Variants in BORCS5 observed in about 807,000 individuals in gnomAD.
BORCS5 encodes the protein BLOC-1-related complex subunit 5.
In BORCS5, 17 loss-of-function variants were observed where a neutral mutation model predicts 22.1. That is an observed-to-expected ratio of 0.77 (90% CI 0.53 to 1.15). The LOEUF (loss-of-function observed/expected upper bound fraction) is 1.15, where lower values mean the gene tolerates loss of function less well. Ranked by LOEUF, BORCS5 falls within the 50% of genes most tolerant of loss-of-function variation. The probability of loss-of-function intolerance (pLI) is 0.00; values close to 1 mark genes in which losing one functional copy is unlikely to be tolerated. For missense variants in BORCS5, 247 were observed against 253.2 expected, an observed-to-expected ratio of 0.98 and a Z score of 0.17; for synonymous variants, 117 against 99.8, an observed-to-expected ratio of 1.17 and a Z score of -1.03.
rs192579898 is a variant in BORCS5, at chr12:12,470,413, C to T, written c.*4637C>T. Among the ~76,000 whole-genome samples the T allele has an allele frequency of 8.6e-3, 1,306 of 152,238 alleles. 22 individuals are homozygous for T. The highest frequency in any genetic ancestry group is 0.029 in the African/African-American group (1,223 of 41,528). On this transcript the variant is annotated 3_prime_UTR_variant, in exon 4 of 4. Transcript: ENST00000314565. ...CTGCTCCCCATCACTCACATCACTG[C>T]CTGAGCTCCACCTCCTGTCAGAACA...
In BORCS5 at chr12:12,386,541, A is replaced by C. The variant is rs140563704; in HGVS notation, c.202+25192A>C. Reference sequence around the variant, plus strand: ...TCCCAGGCTCTAGTGCAGTGTTATGATCTTGGCTCACTGCAACCTCTACCT... The same window carrying C: ...TCCCAGGCTCTAGTGCAGTGTTATGCTCTTGGCTCACTGCAACCTCTACCT... On this transcript the variant is annotated intron_variant, in intron 2 of 3. Coordinates refer to ENST00000314565, the MANE Select transcript of BORCS5 (RefSeq NM_058169.6). 1.3e-3 allele frequency among the ~76,000 whole-genome samples: 187 copies of C among 145,980 alleles called. 2 individuals are homozygous for C. The highest frequency in any genetic ancestry group is 4.5e-3 in the African/African-American group (176 of 38,972).
intron 3 of BORCS5, among the ~76,000 whole-genome samples, chr12:12,461,397 C>G (rs1943102190): frequency 1.3e-5 from 2 of 151,904 alleles, no homozygotes; most frequent in Admixed American, 1.3e-4. Context: ...CTCTTGAGTT[C>G]CTGGGCTCAA....
chr12:12,465,165 C>T (rs1358445773), intron 3 of BORCS5, among the ~76,000 whole-genome samples: 1 of 152,106 alleles, frequency 6.6e-6, no homozygotes, highest in Non-Finnish European at 1.5e-5. Flanking sequence ...GATAAGCAAC[C>T]TGAGACACAA....
rs1445573067 is a variant in BORCS5, at chr12:12,465,959, T to A, written c.*183T>A. The A allele has an allele frequency of 1.7e-6, 1 of 587,658 alleles. No individual in the cohort carries two copies. Among genetic ancestry groups the A allele is most frequent in the East Asian group, 2.8e-5 (1 of 35,642 alleles). The allele number at this position is 587,658 out of a possible 1,614,324, so 36.4% of individuals were successfully genotyped here. A position where few individuals can be genotyped will look rare whatever the true frequency, so the allele number is the denominator to read the frequency against. On this transcript the variant is annotated 3_prime_UTR_variant, in exon 4 of 4. Coordinates refer to ENST00000314565, the MANE Select transcript of BORCS5 (RefSeq NM_058169.6). ...CCCAGCTCTTTTCCTTGATGCAGTTTCCCGGTGTGGAAGGAACCTAACCAG... is the reference window on the plus strand; with the variant it reads ...CCCAGCTCTTTTCCTTGATGCAGTTACCCGGTGTGGAAGGAACCTAACCAG...
At chr12:12,396,857 C>A (rs961812561) in intron 2 of BORCS5, among the ~76,000 whole-genome samples, 38 of 152,146 alleles carry the variant, frequency 2.5e-4, no homozygotes, top group African/African-American at 8.7e-4. Context: ...TGCGGTCTTT[C>A]CGGAACACTA....
chr12:12,450,059 T>C (rs956687444), intron 3 of BORCS5, among the ~76,000 whole-genome samples: 3 of 152,246 alleles, frequency 2.0e-5, no homozygotes. Flanking sequence ...ATCATAGTTT[T>C]CACACACAGT....
At chr12:12,431,824 G>A (rs1942437382) in intron 2 of BORCS5, among the ~76,000 whole-genome samples, 1 of 151,864 alleles carries the variant, frequency 6.6e-6, no homozygotes, top group Admixed American at 6.6e-5. Flanking sequence ...CTCTCAAGTA[G>A]CTGGGACTAC....
chr12:12,397,307 C>T (rs1166770545), intron 2 of BORCS5, among the ~76,000 whole-genome samples: 1 of 152,146 alleles, frequency 6.6e-6, no homozygotes, highest in African/African-American at 2.4e-5. Context: ...ATGCCGACAT[C>T]CTAGAGAATG....
intron 2 of BORCS5, among the ~76,000 whole-genome samples, chr12:12,383,842 T>A (rs1349982412): frequency 2.0e-5 from 3 of 151,276 alleles, no homozygotes; most frequent in Non-Finnish European, 4.4e-5. Context: ...TTCTTGAATG[T>A]GTGGATTAAT....
chr12:12,415,499 A>G (rs1323155960), intron 2 of BORCS5, among the ~76,000 whole-genome samples: 10 of 130,658 alleles, frequency 7.7e-5, no homozygotes, highest in African/African-American at 2.3e-4. Flanking sequence ...AGATGGCAGC[A>G]GTACTGTCCA....
intron 3 of BORCS5, among the ~76,000 whole-genome samples, chr12:12,458,807 C>T (rs999418675): frequency 2.0e-5 from 3 of 151,138 alleles, no homozygotes; most frequent in African/African-American, 7.3e-5. Context: ...CCCATCTCTA[C>T]TAAAAGTACA....
chr12:12,412,683 C>T (rs7342339), intron 2 of BORCS5, among the ~76,000 whole-genome samples: 4,816 of 152,098 alleles, frequency 0.032, 272 homozygotes, highest in African/African-American at 0.11. Flanking sequence ...AAACAGGCAT[C>T]CTTGCTTTAT....
intron 2 of BORCS5, among the ~76,000 whole-genome samples, chr12:12,391,226 G>A (rs79215316): frequency 0.017 from 2,530 of 152,064 alleles, 87 homozygotes; most frequent in African/African-American, 0.057. Context: ...ACTTAGCTTG[G>A]TTCCTGCCAT....
intron 3 of BORCS5, among the ~76,000 whole-genome samples, chr12:12,437,596 C>T (rs990102093): frequency 1.2e-4 from 18 of 152,232 alleles, no homozygotes; most frequent in African/African-American, 3.6e-4. Context: ...AGTCACAAAG[C>T]GTATTATCTC....
chr12:12,454,682 A>G (rs1434015037), intron 3 of BORCS5, among the ~76,000 whole-genome samples: 3 of 152,202 alleles, frequency 2.0e-5, no homozygotes, highest in Admixed American at 1.3e-4. Flanking sequence ...GGAACTTTTT[A>G]GTTTTACTAC....
At chr12:12,418,795 G>C (rs1942038749) in intron 2 of BORCS5, among the ~76,000 whole-genome samples, 1 of 152,094 alleles carries the variant, frequency 6.6e-6, no homozygotes. Context: ...CATATAGTTG[G>C]ATCAGGTTTT....
intron 2 of BORCS5, among the ~76,000 whole-genome samples, chr12:12,434,086 G>A (rs542894395): frequency 1.3e-5 from 2 of 151,826 alleles, no homozygotes; most frequent in African/African-American, 4.8e-5. Context: ...CCAGAAGTTC[G>A]AGACCAACCT....
In BORCS5 at chr12:12,389,031, C is replaced by G. The variant is rs539246538; in HGVS notation, c.202+27682C>G. On this transcript the variant is annotated intron_variant, in intron 2 of 3. Coordinates refer to ENST00000314565, the MANE Select transcript of BORCS5 (RefSeq NM_058169.6). ...AGTCTCACTCATTCCAGCATAGGGA[C>G]AGGACACAGGTTGTTGAGGCAAATA... is the stretch of plus-strand genomic sequence containing the variant. Among the ~76,000 whole-genome samples, 15 of 150,596 alleles carry G rather than the reference C, an allele frequency of 1.0e-4. 3 individuals are homozygous for G. The highest frequency in any genetic ancestry group is 1.9e-4 in the Non-Finnish European group (13 of 67,550).
intron 2 of BORCS5, among the ~76,000 whole-genome samples, chr12:12,374,589 G>A (rs931495640): frequency 2.6e-4 from 40 of 151,906 alleles, no homozygotes; most frequent in African/African-American, 5.3e-4. Flanking sequence ...TGTTCATAGC[G>A]CTGTACTCCA....
Sources: gnomAD v4.1 joint callset for allele counts (sites outside exome capture counted in the v4.1 genomes callset) on GRCh38, gnomAD v4.1.1 for gene constraint, MANE v1.5 for transcripts, NCBI Gene and HGNC (gene_info 2026-07-23, HGNC 2026-07-21) for gene names.